ATP11A: variants seen among roughly 807,000 people sequenced by gnomAD.
The protein encoded by ATP11A is phospholipid-transporting ATPase IH.
In ATP11A, 81 loss-of-function variants were observed where a neutral mutation model predicts 154.4. The observed-to-expected ratio is 0.52, with a 90% CI of 0.44 to 0.63. The LOEUF (loss-of-function observed/expected upper bound fraction) is 0.63. Among genes scored for constraint, ATP11A ranks in the 30% least tolerant of loss-of-function variants. ATP11A has a pLI of 0.00. For synonymous variants in ATP11A, 623 were observed against 585.9 expected, an observed-to-expected ratio of 1.06 and a Z score of -0.91; for missense variants, 1,316 against 1,474.3, an observed-to-expected ratio of 0.89 and a Z score of 1.76.
intron 29 of ATP11A, chr13:112,880,539 C>G (rs1179818397): frequency 1.5e-6 from 2 of 1,297,840 alleles, no homozygotes; most frequent in East Asian, 1.1e-4. Flanking sequence ...CTTTCCTCGC[C>G]TTGCAGAGGG....
At chr13:112,873,505 C>G in intron 26 of ATP11A, 68 bp from the exon 27 acceptor site, 2 of 1,250,954 alleles carry the variant, frequency 1.6e-6, no homozygotes, top group South Asian at 2.9e-5. Context: ...GGCTCTCTGT[C>G]CTGCCCATCA....
intron 12 of ATP11A, 85 bp downstream of exon 12, chr13:112,826,976 C>A: frequency 7.1e-7 from 1 of 1,400,542 alleles, no homozygotes; most frequent in Non-Finnish European, 1.0e-6. Flanking sequence ...TGCCTGTCAT[C>A]CGAGCGTGGC....
chr13:112,824,334 C>G lies in ATP11A; in HGVS notation c.791-10C>G. 1 of 1,611,476 alleles carries G rather than the reference C, an allele frequency of 6.2e-7. No individual in the cohort carries two copies. The highest frequency in any genetic ancestry group is 8.5e-7 in the Non-Finnish European group (1 of 1,177,572). On this transcript the variant is annotated splice_polypyrimidine_tract_variant and intron_variant, in intron 9 of 29. Transcript: ENST00000375645. ...GCCCTGGTCATCACCCTTGCTCTTC[C>G]TCTCTGTAGGTGTGGCTATTTACAC...
At position 112,859,250 on chromosome 13, in the gene ATP11A, CT is replaced by C; in HGVS notation, c.2668-140del. 1 of 719,984 alleles carries C rather than the reference CT, an allele frequency of 1.4e-6. No homozygotes were observed. Among genetic ancestry groups the C allele is most frequent in the Non-Finnish European group, 2.5e-6 (1 of 395,604 alleles). The allele number at this position is 719,984 out of a possible 1,614,324, so 44.6% of individuals were successfully genotyped here. ...CAGTTGCCCCTGAAATAAGAGAAAG[CT>C]TTCTAGAACCCATTAGTGCTGTTCT... On this transcript the variant is annotated intron_variant, in intron 22 of 29. Transcript: ENST00000375645. The surrounding 1 kb of genome is among the most constrained non-coding windows in gnomAD (Gnocchi z 4.3).
chr13:112,805,043 G>A lies in ATP11A; in HGVS notation c.249G>A (p.Val83=), dbSNP rs376873401. 9.4e-6 allele frequency: 15 copies of A among 1,602,996 alleles called. No individual in the cohort carries two copies. The African/African-American group carries it at 2.0e-4, about 22-fold the overall frequency. ...TTTATTTCCTTATCATATTTCTGGTGCAGGTAAGGCCGGTCATTGTTTTCC... is the reference window on the plus strand; with the variant it reads ...TTTATTTCCTTATCATATTTCTGGTACAGGTAAGGCCGGTCATTGTTTTCC... The part of the protein sequence containing the change: ...ANFYFLIIFL[V]QLIIDTPTSP... Residue 83 remains valine, a synonymous_variant, in exon 3 of 30, where the codon GTG becomes GTA. Coordinates refer to ENST00000375645, the MANE Select transcript of ATP11A (RefSeq NM_015205.3).
chr13:112,736,854 C>G (rs968987266), intron 1 of ATP11A, among the ~76,000 whole-genome samples: 2 of 152,134 alleles, frequency 1.3e-5, no homozygotes, highest in Non-Finnish European at 1.5e-5. Flanking sequence ...AAAAGAAAAT[C>G]CACAGGACGG....
intron 1 of ATP11A, among the ~76,000 whole-genome samples, chr13:112,764,178 A>AT (rs200316771): frequency 1.3e-5 from 2 of 151,910 alleles, no homozygotes; most frequent in Admixed American, 6.6e-5. Flanking sequence ...GGGTGATGGA[A>AT]CCCTGACCCT....
chr13:112,701,767 A>C (rs1253683941), intron 1 of ATP11A, among the ~76,000 whole-genome samples: 2 of 152,038 alleles, frequency 1.3e-5, no homozygotes, highest in Non-Finnish European at 2.9e-5. Context: ...GGGGAGGCGG[A>C]GCTTGCAGTG....
rs933737290 is a variant in ATP11A at position 112,690,738 on chromosome 13, C to T, written c.39+283C>T. Among the ~76,000 whole-genome samples the T allele has an allele frequency of 4.6e-5, 7 of 152,092 alleles. No homozygotes were observed. Among genetic ancestry groups the T allele is most frequent in the Admixed American group, 1.3e-4 (2 of 15,286 alleles). ...CCTGGCGCCCCCTTCCCGCCCGCAG[C>T]GCCCTGGGGGTCCCTCGGAGAGGCT... On this transcript the variant is annotated intron_variant, in intron 1 of 29. Coordinates refer to ENST00000375645, the MANE Select transcript of ATP11A (RefSeq NM_015205.3). The surrounding 1 kb of genome is among the most constrained non-coding windows in gnomAD (Gnocchi z 5.6).
intron 1 of ATP11A, among the ~76,000 whole-genome samples, chr13:112,708,486 A>G (rs192827556): frequency 1.3e-5 from 2 of 152,354 alleles, no homozygotes; most frequent in African/African-American, 2.4e-5. Flanking sequence ...TATAGCATGA[A>G]ATTGACTAGA....
chr13:112,839,711 G>A (rs1219410131), intron 16 of ATP11A, among the ~76,000 whole-genome samples: 1 of 152,140 alleles, frequency 6.6e-6, no homozygotes, highest in Non-Finnish European at 1.5e-5. Flanking sequence ...TTATTCCAAG[G>A]CTGTTCCTCA....
At chr13:112,706,576 ACTAT>A (rs1299066557) in intron 1 of ATP11A, among the ~76,000 whole-genome samples, 3 of 152,238 alleles carry the variant, frequency 2.0e-5, no homozygotes, top group Non-Finnish European at 4.4e-5. Flanking sequence ...CATTTCTTTT[ACTAT>A]CTAAGAAATT....
intron 1 of ATP11A, among the ~76,000 whole-genome samples, chr13:112,758,113 G>A (rs1423925282): frequency 6.6e-6 from 1 of 152,258 alleles, no homozygotes. Flanking sequence ...CCAGGCTGGA[G>A]TGCAGTGGCA....
chr13:112,874,701 C>T (rs1161927032), intron 27 of ATP11A, among the ~76,000 whole-genome samples: 1 of 152,254 alleles, frequency 6.6e-6, no homozygotes, highest in East Asian at 1.9e-4. Flanking sequence ...CCCTGGTGGC[C>T]CCAAGTTGCA....
rs760167980 is a variant in ATP11A, at chr13:112,857,858, C to T, written c.2459C>T (p.Thr820Met). 13 of 1,614,102 alleles carry T rather than the reference C, an allele frequency of 8.1e-6. No homozygotes were observed. Among genetic ancestry groups the T allele is most frequent in the East Asian group, 2.2e-5 (1 of 44,900 alleles). The change falls in exon 21 of 30, where the codon ACG becomes ATG. Residue 820 changes from threonine to methionine, a missense_variant. Transcript: ENST00000375645. ...AAATTTTCAAAAGAGCACCCAATCA[C>T]GTTAGCAATTGGCGATGGTGCAAAT... is the stretch of plus-strand genomic sequence containing the variant. ...LIKFSKEHPI[T>M]LAIGDGANDV... is the part of the protein sequence containing the mutation.
intron 17 of ATP11A, among the ~76,000 whole-genome samples, chr13:112,848,647 T>C (rs987145987): frequency 6.6e-6 from 1 of 152,260 alleles, no homozygotes; most frequent in Non-Finnish European, 1.5e-5. Context: ...ACGGAAAAGC[T>C]TTCAGTCCTT....
At chr13:112,700,211 C>T (rs1886358056) in intron 1 of ATP11A, among the ~76,000 whole-genome samples, 1 of 152,130 alleles carries the variant, frequency 6.6e-6, no homozygotes, top group Non-Finnish European at 1.5e-5. Context: ...ATTACACGTT[C>T]AACAAAGATG....
intron 1 of ATP11A, among the ~76,000 whole-genome samples, chr13:112,716,101 G>A (rs1246406000): frequency 2.0e-5 from 3 of 152,164 alleles, no homozygotes; most frequent in South Asian, 2.1e-4. Context: ...TGGAGTTCCC[G>A]GTGGCTGCTC....
intron 1 of ATP11A, among the ~76,000 whole-genome samples, chr13:112,702,238 C>T (rs407693): frequency 0.74 from 112,058 of 151,060 alleles, 44,886 homozygotes; most frequent in East Asian, 0.92. Context: ...CCCACCTACT[C>T]GGGAGGCTGA....
Sources: gnomAD v4.1 joint callset for allele counts (sites outside exome capture counted in the v4.1 genomes callset) on GRCh38, gnomAD v4.1.1 for gene constraint, Gnocchi (gnomAD v3.1) non-coding constraint, MANE v1.5 for transcripts, NCBI Gene and HGNC (gene_info 2026-07-23, HGNC 2026-07-21) for gene names.